ADAM32: variants seen among roughly 807,000 people sequenced by gnomAD.
The protein encoded by ADAM32 is disintegrin and metalloproteinase domain-containing protein 32.
A neutral mutation model predicts 114.9 loss-of-function variants in ADAM32; 89 were observed. That is an observed-to-expected ratio of 0.77 (90% CI 0.65 to 0.92). ADAM32 has a LOEUF of 0.92. ADAM32 is among the 40% of genes least tolerant of loss of function. The pLI is 0.00. For missense variants in ADAM32, 870 were observed against 932.8 expected, an observed-to-expected ratio of 0.93 and a Z score of 0.88; for synonymous variants, 285 against 307.5, an observed-to-expected ratio of 0.93 and a Z score of 0.77.
chr8:39,254,359 C>A, intron 17 of ADAM32, 55 bp from the exon 18 acceptor site: 1 of 1,400,080 alleles, frequency 7.1e-7, no homozygotes, highest in Non-Finnish European at 9.8e-7. Flanking sequence ...TTGATGCTCA[C>A]CTTCTCTGAG....
chr8:39,256,581 G>T (rs1364540777), intron 18 of ADAM32, among the ~76,000 whole-genome samples: 2 of 151,936 alleles, frequency 1.3e-5, no homozygotes, highest in Non-Finnish European at 2.9e-5. Context: ...TCCAGGTGCT[G>T]GTCTACACAC....
At chr8:39,119,174 T>C (rs1346746656) in intron 2 of ADAM32, among the ~76,000 whole-genome samples, 1 of 152,218 alleles carries the variant, frequency 6.6e-6, no homozygotes, top group Non-Finnish European at 1.5e-5. Flanking sequence ...GTATTATGAA[T>C]AATTCTTTTA....
intron 13 of ADAM32, among the ~76,000 whole-genome samples, chr8:39,222,571 C>T (rs1809047062): frequency 1.3e-5 from 2 of 152,092 alleles, no homozygotes; most frequent in African/African-American, 2.4e-5. Flanking sequence ...CAAAGACTCT[C>T]ATAGTTGAAC....
intron 11 of ADAM32, among the ~76,000 whole-genome samples, chr8:39,198,587 A>G (rs1280362895): frequency 6.6e-6 from 1 of 152,212 alleles, no homozygotes; most frequent in Non-Finnish European, 1.5e-5. Context: ...CATGTTGGCT[A>G]TGCTGGTCTC....
Position 39,213,425 on chromosome 8 carries a change from C to CTGG in ADAM32, c.1233+2101_1233+2102insTGG, listed in dbSNP as rs750368257. On this transcript the variant is annotated intron_variant, in intron 12 of 24. Coordinates refer to ENST00000379907, the MANE Select transcript of ADAM32 (RefSeq NM_145004.7). ...TGTACTATTGAGTGCTAGCACTAAT[C>CTGG]CCTTCCATTTACCTGTATTTTAGAT... is the stretch of plus-strand genomic sequence containing the variant. 5.6e-3 allele frequency among the ~76,000 whole-genome samples: 858 copies of CTGG among 152,116 alleles called. 4 individuals carry two copies. Among genetic ancestry groups the CTGG allele is most frequent in the Admixed American group, 9.3e-3 (142 of 15,272 alleles).
chr8:39,178,414 G>C (rs867595704), intron 10 of ADAM32, among the ~76,000 whole-genome samples: 1 of 152,178 alleles, frequency 6.6e-6, no homozygotes, highest in Non-Finnish European at 1.5e-5. Context: ...AACTGCTCCT[G>C]TATTGTTTTA....
intron 19 of ADAM32, among the ~76,000 whole-genome samples, chr8:39,259,942 GCATT>G (rs1585667850): frequency 6.6e-6 from 1 of 152,062 alleles, no homozygotes; most frequent in Non-Finnish European, 1.5e-5. Flanking sequence ...AGTGTTGTAT[GCATT>G]CATTTATGTG....
intron 17 of ADAM32, among the ~76,000 whole-genome samples, chr8:39,249,680 T>C (rs73676821): frequency 0.14 from 21,350 of 152,220 alleles, 1,684 homozygotes; most frequent in Middle Eastern, 0.25. Flanking sequence ...TAAAAATTTT[T>C]AGTTTACTTT....
chr8:39,158,592 G>T, intron 6 of ADAM32: 1 of 311,854 alleles, frequency 3.2e-6, no homozygotes, highest in African/African-American at 2.3e-5. Flanking sequence ...CAGTTTAGAA[G>T]GGTCATCACT....
chr8:39,162,390 A>T (rs1804571487), intron 7 of ADAM32, among the ~76,000 whole-genome samples: 1 of 152,134 alleles, frequency 6.6e-6, no homozygotes. Flanking sequence ...TGTGCCACAT[A>T]TTCTTGATCC....
Position 39,284,378 on chromosome 8 carries a change from T to TACACACACACACACACACACAC in ADAM32, c.2358-414_2358-393dup, listed in dbSNP as rs367964426. ...ACTGTTATACACACACACACACACG[T>TACACACACACACACACACACAC]ACACACACACACACACACACACGTA... is the stretch of plus-strand genomic sequence containing the variant. On this transcript the variant is annotated intron_variant, in intron 24 of 24. Transcript: ENST00000379907. Among the ~76,000 whole-genome samples, 163 of 142,102 alleles carry TACACACACACACACACACACAC rather than the reference T, an allele frequency of 1.1e-3. 1 individual carries two copies. Among genetic ancestry groups the TACACACACACACACACACACAC allele is most frequent in the African/African-American group, 4.0e-3 (154 of 38,454 alleles). The allele number at this position is 142,102 out of a possible 152,430, so 93.2% of individuals were successfully genotyped here.
intron 4 of ADAM32, among the ~76,000 whole-genome samples, chr8:39,147,419 A>T (rs999324744): frequency 1.3e-5 from 2 of 152,054 alleles, no homozygotes; most frequent in South Asian, 4.1e-4. Flanking sequence ...TTTTTAATTT[A>T]ATTGATATTT....
At chr8:39,216,309 T>C (rs1191028932) in intron 12 of ADAM32, among the ~76,000 whole-genome samples, 6 of 152,060 alleles carry the variant, frequency 3.9e-5, no homozygotes, top group African/African-American at 1.4e-4. Context: ...AGTGTATTTA[T>C]TGTAAGCAAC....
chr8:39,198,495 A>G (rs1398974682), intron 11 of ADAM32, among the ~76,000 whole-genome samples: 3 of 152,120 alleles, frequency 2.0e-5, no homozygotes, highest in African/African-American at 4.8e-5. Flanking sequence ...CTCCTGCCTC[A>G]GCCCCTCAAG....
chr8:39,192,132 C>T (rs1353948319), intron 11 of ADAM32, among the ~76,000 whole-genome samples: 1 of 152,098 alleles, frequency 6.6e-6, no homozygotes, highest in Non-Finnish European at 1.5e-5. Flanking sequence ...GTATGTGTCC[C>T]AGAATTTATT....
chr8:39,180,335 C>A (rs1805783527), intron 10 of ADAM32, among the ~76,000 whole-genome samples: 1 of 152,238 alleles, frequency 6.6e-6, no homozygotes, highest in South Asian at 2.1e-4. Flanking sequence ...TCTCGCCGGG[C>A]CTTAGCTGCC....
At chr8:39,166,021 A>T (rs1482669064) in intron 9 of ADAM32, 2 of 152,074 alleles carry the variant, frequency 1.3e-5, no homozygotes, top group South Asian at 2.1e-4. Flanking sequence ...AAGGGTTTTT[A>T]AAAAATAATT....
intron 11 of ADAM32, among the ~76,000 whole-genome samples, chr8:39,206,087 T>C (rs1807815177): frequency 6.6e-6 from 1 of 152,230 alleles, no homozygotes; most frequent in Admixed American, 6.5e-5. Flanking sequence ...GATAGGATAT[T>C]TTGGCCTTAT....
chr8:39,270,139 T>A (rs1812620881), intron 19 of ADAM32, among the ~76,000 whole-genome samples: 1 of 152,190 alleles, frequency 6.6e-6, no homozygotes. Context: ...TAAGATGAGA[T>A]TTGGGTGGGG....
Sources: allele counts gnomAD v4.1 joint callset (sites outside exome capture counted in the v4.1 genomes callset), GRCh38; gene constraint gnomAD v4.1.1; transcripts MANE v1.5; gene names NCBI Gene and HGNC (gene_info 2026-07-23, HGNC 2026-07-21).